The following ZNF804B variants were observed in gnomAD, a reference collection of about 807,000 sequenced individuals.
The protein encoded by ZNF804B is zinc finger 804B.
A neutral mutation model predicts 101.4 loss-of-function variants in ZNF804B; 80 were observed. That is an observed-to-expected ratio of 0.79 (90% confidence interval 0.66 to 0.95). The LOEUF is 0.95. Ranked by LOEUF, ZNF804B falls within the 40% of genes least tolerant of loss-of-function variation. The pLI is 0.00. For synonymous variants in ZNF804B, 622 were observed against 558.8 expected, an observed-to-expected ratio of 1.11 and a Z score of -1.59; for missense variants, 1,673 against 1,561.9, an observed-to-expected ratio of 1.07 and a Z score of -1.20.
intron 1 of ZNF804B, among the ~76,000 whole-genome samples, chr7:88,922,813 A>G (rs17301259): frequency 0.25 from 37,358 of 151,852 alleles, 4,635 homozygotes; most frequent in African/African-American, 0.27. Context: ...ATTTTTTTCA[A>G]TTATGACTTC....
In ZNF804B at chr7:89,146,091, C is replaced by T. The variant is rs556813915; in HGVS notation, c.109-72064C>T. The stretch of plus-strand genomic sequence containing the variant: ...ACAGGGAAGCATTAAGCCATTATCC[C>T]CTGGAAACATTATTACTATGAAACA... On this transcript the variant is annotated intron_variant, in intron 1 of 3. Coordinates refer to ENST00000333190, the MANE Select transcript of ZNF804B (RefSeq NM_181646.5). Among the ~76,000 whole-genome samples, 3 of 152,042 alleles carry T rather than the reference C, an allele frequency of 2.0e-5. No individual in the cohort carries two copies. The South Asian group carries it at 6.2e-4, about 32-fold the overall frequency.
chr7:89,290,758 T>C (rs1790276310), intron 2 of ZNF804B, among the ~76,000 whole-genome samples: 1 of 152,122 alleles, frequency 6.6e-6, no homozygotes, highest in Non-Finnish European at 1.5e-5. Context: ...AGTCCCTGGC[T>C]CCTGGATGGC....
intron 1 of ZNF804B, among the ~76,000 whole-genome samples, chr7:89,156,053 T>C (rs866042605): frequency 0.029 from 2,639 of 89,964 alleles, 65 homozygotes; most frequent in South Asian, 0.046. Context: ...TCTTTCTTTC[T>C]TTCTTTCTTT....
chr7:89,315,699 A>C (rs971197687), intron 2 of ZNF804B, among the ~76,000 whole-genome samples: 2 of 152,020 alleles, frequency 1.3e-5, no homozygotes, highest in Non-Finnish European at 2.9e-5. Context: ...CTGCTAAAAA[A>C]GTATCTGAAT....
intron 1 of ZNF804B, among the ~76,000 whole-genome samples, chr7:88,848,757 T>C (rs748358096): frequency 2.6e-5 from 4 of 151,904 alleles, no homozygotes; most frequent in Non-Finnish European, 5.9e-5. Context: ...TCAAGAATTA[T>C]GTCATAAAAA....
chr7:89,156,244 G>T (rs1790973357), intron 1 of ZNF804B, among the ~76,000 whole-genome samples: 1 of 151,918 alleles, frequency 6.6e-6, no homozygotes, highest in Non-Finnish European at 1.5e-5. Flanking sequence ...CTCCCGAGTA[G>T]CTGGGATTAC....
At chr7:88,895,955 G>A (rs1361175472) in intron 1 of ZNF804B, among the ~76,000 whole-genome samples, 2 of 152,150 alleles carry the variant, frequency 1.3e-5, no homozygotes, top group Admixed American at 6.5e-5. Context: ...CCATCAAGAT[G>A]TTGGATTATA....
chr7:88,961,351 G>T (rs1793383445), intron 1 of ZNF804B, among the ~76,000 whole-genome samples: 2 of 151,126 alleles, frequency 1.3e-5, no homozygotes, highest in Admixed American at 1.3e-4. Context: ...CTTTAACGTG[G>T]TTGTTTGCTG....
Position 88,867,165 on chromosome 7 carries a change from G to A in ZNF804B, c.108+107081G>A, listed in dbSNP as rs532387265. On this transcript the variant is annotated intron_variant, in intron 1 of 3. Transcript: ENST00000333190. ...ACTTGCTGTATTAGGGTTCTCCAGA[G>A]AGACAGACCAATAGGAGATATATAT... Among the ~76,000 whole-genome samples, 165 of 152,310 alleles carry A rather than the reference G, an allele frequency of 1.1e-3. 2 individuals are homozygous for A. The highest frequency in any genetic ancestry group is 3.9e-3 in the African/African-American group (161 of 41,574).
intron 1 of ZNF804B, among the ~76,000 whole-genome samples, chr7:89,120,691 C>A (rs1790391898): frequency 6.7e-6 from 1 of 149,284 alleles, no homozygotes; most frequent in African/African-American, 2.5e-5. Flanking sequence ...ATCCAAAAAT[C>A]TACTTTTAGT....
intron 1 of ZNF804B, among the ~76,000 whole-genome samples, chr7:89,093,592 G>T (rs1789926561): frequency 6.6e-6 from 1 of 152,210 alleles, no homozygotes; most frequent in East Asian, 1.9e-4. Context: ...AATGTTCTAT[G>T]TGTATGTGTG....
chr7:89,067,166 T>G (rs1789466740), intron 1 of ZNF804B, among the ~76,000 whole-genome samples: 1 of 152,132 alleles, frequency 6.6e-6, no homozygotes, highest in South Asian at 2.1e-4. Context: ...AAGAAACATG[T>G]ATTATAAGGA....
intron 1 of ZNF804B, among the ~76,000 whole-genome samples, chr7:88,833,073 T>A (rs1791156915): frequency 6.6e-6 from 1 of 151,982 alleles, no homozygotes; most frequent in African/African-American, 2.4e-5. Context: ...TTTTAACCTG[T>A]TGTAAATTTA....
chr7:89,017,877 T>C (rs1788596017), intron 1 of ZNF804B, among the ~76,000 whole-genome samples: 1 of 152,152 alleles, frequency 6.6e-6, no homozygotes, highest in Non-Finnish European at 1.5e-5. Flanking sequence ...TCTTCTGCAA[T>C]TTTGCTGACT....
chr7:88,854,480 T>C (rs1470244614), intron 1 of ZNF804B, among the ~76,000 whole-genome samples: 1 of 79,958 alleles, frequency 1.3e-5, no homozygotes, highest in African/African-American at 7.1e-5. Context: ...TCTTTCTCTT[T>C]CCTTTCCTTT....
intron 1 of ZNF804B, among the ~76,000 whole-genome samples, chr7:88,966,159 A>G (rs757509891): frequency 2.0e-5 from 3 of 151,462 alleles, no homozygotes; most frequent in Non-Finnish European, 3.0e-5. Context: ...TTCTTTATTA[A>G]TATTATCATA....
rs372302377 is a variant in ZNF804B, at chr7:89,228,658, A to G, written c.249+10363A>G. On this transcript the variant is annotated intron_variant, in intron 2 of 3. Transcript: ENST00000333190. ...TATTTACAATCCCTGAGCTAGACAT[A>G]AAGATTCTTCATGTCCCCACCAGAC... is the stretch of plus-strand genomic sequence containing the variant. Among the ~76,000 whole-genome samples the G allele has an allele frequency of 2.3e-4, 35 of 152,274 alleles. No individual in the cohort carries two copies. In the East Asian group the frequency reaches 3.9e-3, roughly 17 times the overall value.
intron 1 of ZNF804B, among the ~76,000 whole-genome samples, chr7:88,943,971 G>A (rs945025281): frequency 4.6e-5 from 7 of 151,664 alleles, no homozygotes; most frequent in Non-Finnish European, 7.4e-5. Flanking sequence ...ATTGCAATGC[G>A]TGGCTGTATA....
At chr7:89,313,647 T>C (rs1034280783) in intron 2 of ZNF804B, among the ~76,000 whole-genome samples, 9 of 152,176 alleles carry the variant, frequency 5.9e-5, no homozygotes, top group African/African-American at 2.2e-4. Context: ...GGAATAAAGA[T>C]TTTTTAGTTT....
Sources: gnomAD v4.1 joint callset for allele counts (sites outside exome capture counted in the v4.1 genomes callset) on GRCh38, gnomAD v4.1.1 for gene constraint, MANE v1.5 for transcripts, NCBI Gene and HGNC (gene_info 2026-07-23, HGNC 2026-07-21) for gene names.